Variants in CUBN observed in about 807,000 individuals in gnomAD.
CUBN encodes 460 kDa receptor.
Under a neutral mutation model 405.3 loss-of-function variants are expected in CUBN, and 282 were observed. That is an observed-to-expected ratio of 0.70 (90% CI 0.63 to 0.77). CUBN has a LOEUF of 0.77. CUBN is among the 30% of genes least tolerant of loss of function. CUBN has a pLI of 0.00. For missense variants in CUBN, 4,514 were observed against 4,475.2 expected (o/e 1.01, Z -0.25); for synonymous variants, 1,684 against 1,617.0 (o/e 1.04, Z -0.99).
At chr10:17,006,415 G>A (rs1241833815) in intron 28 of CUBN, among the ~76,000 whole-genome samples, 2 of 152,178 alleles carry the variant, frequency 1.3e-5, no homozygotes, top group Non-Finnish European at 2.9e-5. Context: ...CACAAGACAA[G>A]TGGATAACAG....
chr10:16,892,952 G>A lies in CUBN; in HGVS notation c.8599-2425C>T, dbSNP rs905009068. Among the ~76,000 whole-genome samples the A allele has an allele frequency of 1.3e-5, 2 of 152,174 alleles. 1 individual carries two copies. The highest frequency in any genetic ancestry group is 6.8e-3 in the Middle Eastern group (2 of 294). ...TATAGATTCGACAACTCTACCTTTT[G>A]GCCTGGGAACATAAGTTTAATAATA... is the stretch of plus-strand genomic sequence containing the variant. On this transcript the variant is annotated intron_variant, in intron 54 of 66. Transcript: ENST00000377833.
chr10:16,983,229 T>C (rs1833327078), intron 30 of CUBN, among the ~76,000 whole-genome samples: 1 of 152,184 alleles, frequency 6.6e-6, no homozygotes, highest in African/African-American at 2.4e-5. Flanking sequence ...TTTCTAATAA[T>C]GGAGAATCAT....
At chr10:17,088,022 C>G (rs557873980) in intron 15 of CUBN, 142 bp downstream of exon 15, 39 of 662,682 alleles carry the variant, frequency 5.9e-5, no homozygotes, top group Middle Eastern at 4.1e-4. Flanking sequence ...AGAGACTTTG[C>G]AAGAGTTAGA....
At chr10:16,999,170 A>G (rs918991157) in intron 28 of CUBN, among the ~76,000 whole-genome samples, 2 of 152,120 alleles carry the variant, frequency 1.3e-5, no homozygotes, top group African/African-American at 4.8e-5. Context: ...TCAAGATGTC[A>G]TATAAATACT....
chr10:17,103,589 C>T (rs2131300130), intron 12 of CUBN, among the ~76,000 whole-genome samples: 1 of 152,342 alleles, frequency 6.6e-6, no homozygotes, highest in African/African-American at 2.4e-5. Flanking sequence ...GTCTTGTCTC[C>T]TCAGCTGCAA....
intron 22 of CUBN, among the ~76,000 whole-genome samples, chr10:17,053,046 A>G (rs74533216): frequency 0.021 from 3,162 of 151,964 alleles, 64 homozygotes; most frequent in East Asian, 0.067. Flanking sequence ...TAAGTTAAGG[A>G]GTATATTTTT....
chr10:16,852,568 T>C (rs1466819097), intron 59 of CUBN, among the ~76,000 whole-genome samples: 2 of 152,058 alleles, frequency 1.3e-5, no homozygotes, highest in Non-Finnish European at 2.9e-5. Flanking sequence ...TAGCAGAGCC[T>C]TCAGGTGTCT....
intron 28 of CUBN, among the ~76,000 whole-genome samples, chr10:17,008,737 C>T (rs751967089): frequency 6.6e-6 from 1 of 152,006 alleles, no homozygotes; most frequent in African/African-American, 2.4e-5. Flanking sequence ...TGTGTGTGCC[C>T]GCTTGGCACT....
intron 12 of CUBN, 115 bp downstream of exon 12, chr10:17,104,304 T>A: frequency 1.2e-6 from 1 of 848,504 alleles, no homozygotes; most frequent in South Asian, 1.4e-5. Flanking sequence ...TAGTTCTCAG[T>A]ATCTGAGCAA....
intron 59 of CUBN, among the ~76,000 whole-genome samples, chr10:16,855,591 G>A (rs780374310): frequency 1.3e-5 from 2 of 152,148 alleles, no homozygotes; most frequent in Non-Finnish European, 2.9e-5. Context: ...AAGCTAGTCC[G>A]TGGACCCATA....
At chr10:17,096,276 C>T (rs1836373796) in intron 14 of CUBN, among the ~76,000 whole-genome samples, 1 of 152,168 alleles carries the variant, frequency 6.6e-6, no homozygotes, top group Non-Finnish European at 1.5e-5. Context: ...GACAGTAGAT[C>T]TTAAATATTT....
intron 14 of CUBN, among the ~76,000 whole-genome samples, chr10:17,090,819 T>C (rs1469040751): frequency 7.9e-6 from 1 of 126,592 alleles, no homozygotes; most frequent in South Asian, 2.4e-4. Flanking sequence ...GAGGTAGAAA[T>C]GTAAAGTAAA....
intron 31 of CUBN, among the ~76,000 whole-genome samples, chr10:16,981,542 T>C (rs920034700): frequency 2.6e-5 from 4 of 152,148 alleles, no homozygotes. Context: ...GAGCACTGAT[T>C]GCAACACATG....
At position 17,126,798 on chromosome 10, in the gene CUBN, A is replaced by G; in HGVS notation, c.350T>C (p.Leu117Pro). 6.2e-7 allele frequency: 1 copy of G among 1,614,202 alleles called. No individual in the cohort carries two copies. The highest frequency in any genetic ancestry group is 8.5e-7 in the Non-Finnish European group (1 of 1,180,030). ...TTGGAATTTTCTCTCAAGATCCACC[A>G]GCTGGCAATAGGGAAGAAAAAGCTT... ...SSQIYQLNSK[L>P]VDLERKFQGL... Residue 117 changes from leucine to proline, a missense_variant and splice_region_variant, in exon 4 of 67, where the codon CTG becomes CCG. Transcript: ENST00000377833.
At chr10:17,064,875 A>G (rs1047753200) in intron 22 of CUBN, among the ~76,000 whole-genome samples, 3 of 152,240 alleles carry the variant, frequency 2.0e-5, no homozygotes, top group African/African-American at 4.8e-5. Context: ...TAACTTCATT[A>G]GGTCAAATTG....
rs376084356 is a variant in CUBN at position 17,114,603 on chromosome 10, A to G, written c.721-414T>C. Among the ~76,000 whole-genome samples, 4 of 152,164 alleles carry G rather than the reference A, an allele frequency of 2.6e-5. No individual in the cohort carries two copies. In the East Asian group the frequency reaches 7.7e-4, roughly 29 times the overall value. ...CCACCTCCTCAACCCTTCCATCCCC[A>G]TCATTGGACGGGAATTATTTTCCAT... On this transcript the variant is annotated intron_variant, in intron 7 of 66. Coordinates refer to ENST00000377833, the MANE Select transcript of CUBN (RefSeq NM_001081.4).
At chr10:17,077,633 T>G (rs1027045087) in intron 17 of CUBN, among the ~76,000 whole-genome samples, 1 of 152,212 alleles carries the variant, frequency 6.6e-6, no homozygotes, top group African/African-American at 2.4e-5. Flanking sequence ...CGTATGGTAG[T>G]GTTTAACATG....
In CUBN at chr10:17,087,460, A is replaced by ATTTTTTT. The variant is rs1564510318; in HGVS notation, c.1947+703_1947+704insAAAAAAA. On this transcript the variant is annotated intron_variant, in intron 15 of 66. Coordinates refer to ENST00000377833, the MANE Select transcript of CUBN (RefSeq NM_001081.4). ...AACCCAGTTCAACACAATCACTATT[A>ATTTTTTT]TTTTTCTTTTTCTTTTTTTTTTTTT... is the stretch of plus-strand genomic sequence containing the variant. Among the ~76,000 whole-genome samples, 66 of 99,082 alleles carry ATTTTTTT rather than the reference A, an allele frequency of 6.7e-4. 2 individuals are homozygous for ATTTTTTT. The highest frequency in any genetic ancestry group is 1.1e-3 in the East Asian group (4 of 3,510). 65.0% of individuals were successfully genotyped at this position (99,082 alleles called of 152,430 possible).
chr10:16,867,139 C>T (rs759368236), intron 59 of CUBN, among the ~76,000 whole-genome samples: 4 of 152,198 alleles, frequency 2.6e-5, no homozygotes, highest in Non-Finnish European at 4.4e-5. Flanking sequence ...CTCCTCTTCA[C>T]ATCAATTATT....
Sources: gnomAD v4.1 joint callset for allele counts (sites outside exome capture counted in the v4.1 genomes callset) on GRCh38, gnomAD v4.1.1 for gene constraint, MANE v1.5 for transcripts, NCBI Gene and HGNC (gene_info 2026-07-23, HGNC 2026-07-21) for gene names.